The following TRPC4AP variants were observed in gnomAD, a reference collection of about 807,000 sequenced individuals.
TRPC4AP encodes the protein transient receptor potential cation channel subfamily C member 4 associated protein.
In TRPC4AP, 45 loss-of-function variants were observed where a neutral mutation model predicts 99.0. The observed-to-expected ratio is 0.45, with a 90% CI of 0.36 to 0.58. The LOEUF (loss-of-function observed/expected upper bound fraction) is 0.58. TRPC4AP is among the 20% of genes least tolerant of loss of function. The pLI is 0.00. For missense variants in TRPC4AP, 879 were observed against 985.3 expected, an observed-to-expected ratio of 0.89 and a Z score of 1.44; for synonymous variants, 408 against 385.8, an observed-to-expected ratio of 1.06 and a Z score of -0.67.
At chr20:35,069,799 G>A (rs1160195649) in intron 2 of TRPC4AP, among the ~76,000 whole-genome samples, 3 of 152,152 alleles carry the variant, frequency 2.0e-5, no homozygotes, top group Non-Finnish European at 4.4e-5. Context: ...AAATTAGCCG[G>A]ATGTGGTGCT....
intron 7 of TRPC4AP, among the ~76,000 whole-genome samples, chr20:35,039,148 G>C (rs1480091131): frequency 6.6e-6 from 1 of 152,034 alleles, no homozygotes; most frequent in Non-Finnish European, 1.5e-5. Context: ...TCACATAGCT[G>C]GATTTTTACT....
intron 1 of TRPC4AP, among the ~76,000 whole-genome samples, chr20:35,089,620 G>C (rs924266707): frequency 1.3e-5 from 2 of 152,110 alleles, no homozygotes; most frequent in African/African-American, 4.8e-5. Flanking sequence ...GGAGGACAAG[G>C]CAGGGGGATC....
intron 7 of TRPC4AP, among the ~76,000 whole-genome samples, chr20:35,039,283 C>T (rs569576102): frequency 2.6e-5 from 4 of 152,216 alleles, no homozygotes; most frequent in Non-Finnish European, 5.9e-5. Context: ...GGGAAGTGCC[C>T]GGTACTCAGG....
At chr20:35,062,169 G>A (rs1049677381) in intron 3 of TRPC4AP, among the ~76,000 whole-genome samples, 8 of 152,198 alleles carry the variant, frequency 5.3e-5, no homozygotes, top group African/African-American at 1.9e-4. Flanking sequence ...CAAAGATGTG[G>A]AGAAATTAGA....
intron 6 of TRPC4AP, among the ~76,000 whole-genome samples, chr20:35,049,376 T>C (rs2083642343): frequency 6.6e-6 from 1 of 152,152 alleles, no homozygotes; most frequent in Non-Finnish European, 1.5e-5. Context: ...ACTTTAATTG[T>C]TGAAGACTAA....
At chr20:35,044,972 T>C (rs3803936) in intron 6 of TRPC4AP, among the ~76,000 whole-genome samples, 59,901 of 151,880 alleles carry the variant, frequency 0.39, 12,978 homozygotes, top group East Asian at 0.58. Context: ...AGCACCACTG[T>C]TTTCAATTGT....
intron 5 of TRPC4AP, among the ~76,000 whole-genome samples, chr20:35,051,386 C>T (rs1157266447): frequency 6.6e-6 from 1 of 152,164 alleles, no homozygotes; most frequent in African/African-American, 2.4e-5. Flanking sequence ...TAGCTCACTA[C>T]AGCCTCAATC....
In TRPC4AP at chr20:35,092,698, C is replaced by G. The variant is rs760025142; in HGVS notation, c.84G>C (p.Trp28Cys). 5 of 1,547,122 alleles carry G rather than the reference C, an allele frequency of 3.2e-6. No homozygotes were observed. Among genetic ancestry groups the G allele is most frequent in the Non-Finnish European group, 4.3e-6 (5 of 1,157,484 alleles). ...SAATVAAWGG[W>C]GGRPRPGNIL... is the part of the protein sequence containing the mutation. ...TGTTACCAGGCCGCGGCCGGCCGCC[C>G]CATCCGCCCCAAGCCGCCACTGTGG... The change falls in exon 1 of 19, where the codon TGG becomes TGC. Residue 28 changes from tryptophan (W) to cysteine (C), a missense_variant. Coordinates refer to ENST00000252015, the MANE Select transcript of TRPC4AP (RefSeq NM_015638.3).
intron 1 of TRPC4AP, among the ~76,000 whole-genome samples, chr20:35,085,977 C>T (rs2084830706): frequency 6.6e-6 from 1 of 152,002 alleles, no homozygotes; most frequent in African/African-American, 2.4e-5. Flanking sequence ...GCAAGGGTCT[C>T]GCGCAATCTC....
intron 1 of TRPC4AP, 21 bp downstream of exon 1, chr20:35,092,593 C>T: frequency 1.4e-6 from 2 of 1,468,914 alleles, no homozygotes; most frequent in Non-Finnish European, 1.8e-6. Flanking sequence ...CCGCCCCGCC[C>T]CTCCTGGTCC....
chr20:35,086,178 T>TG (rs1284727130), intron 1 of TRPC4AP, among the ~76,000 whole-genome samples: 17 of 151,950 alleles, frequency 1.1e-4, no homozygotes, highest in Admixed American at 1.1e-3. Flanking sequence ...AGGTTGGTCT[T>TG]GAACTCCTGA....
At chr20:35,064,814 A>G (rs1323624588) in intron 3 of TRPC4AP, among the ~76,000 whole-genome samples, 1 of 152,238 alleles carries the variant, frequency 6.6e-6, no homozygotes, top group Non-Finnish European at 1.5e-5. Context: ...CCATATTACT[A>G]TAACTTTAAC....
At chr20:35,058,726 G>A (rs995061278) in intron 3 of TRPC4AP, among the ~76,000 whole-genome samples, 2 of 79,672 alleles carry the variant, frequency 2.5e-5, no homozygotes, top group Non-Finnish European at 4.6e-5. Context: ...GTCTTGCTTT[G>A]TCTCCCAGGC....
At chr20:35,057,612 AG>A in intron 3 of TRPC4AP, 41 bp from the exon 4 acceptor site, 5 of 1,498,618 alleles carry the variant, frequency 3.3e-6, no homozygotes, top group Non-Finnish European at 4.6e-6. Flanking sequence ...ATTAATTCAA[AG>A]TATAACTTAT....
chr20:35,005,250 G>A (rs1333198304), intron 16 of TRPC4AP, among the ~76,000 whole-genome samples: 2 of 152,126 alleles, frequency 1.3e-5, no homozygotes, highest in African/African-American at 2.4e-5. Context: ...GGTGTGGGGG[G>A]GTCACAAACC....
intron 3 of TRPC4AP, among the ~76,000 whole-genome samples, chr20:35,066,850 T>C (rs1226139771): frequency 2.0e-5 from 3 of 151,632 alleles, no homozygotes; most frequent in Admixed American, 6.6e-5. Flanking sequence ...TCAAAAGCAC[T>C]TACAGATCAA....
intron 5 of TRPC4AP, among the ~76,000 whole-genome samples, chr20:35,053,489 A>G (rs1423909162): frequency 2.6e-5 from 4 of 152,188 alleles, no homozygotes; most frequent in Non-Finnish European, 5.9e-5. Context: ...CTATAAGGAC[A>G]ATTTCTTATT....
intron 7 of TRPC4AP, among the ~76,000 whole-genome samples, chr20:35,038,838 C>T (rs966366334): frequency 1.3e-5 from 2 of 152,100 alleles, no homozygotes; most frequent in Non-Finnish European, 1.5e-5. Context: ...TTTGGGAGGC[C>T]GAGGTGGGTG....
At chr20:35,036,172 C>G (rs988511346) in intron 7 of TRPC4AP, among the ~76,000 whole-genome samples, 3 of 152,136 alleles carry the variant, frequency 2.0e-5, no homozygotes, top group African/African-American at 7.2e-5. Context: ...GCAGGGAGAT[C>G]CAGATTCAAA....
Sources: allele counts gnomAD v4.1 joint callset (sites outside exome capture counted in the v4.1 genomes callset), GRCh38; gene constraint gnomAD v4.1.1; transcripts MANE v1.5; gene names NCBI Gene and HGNC (gene_info 2026-07-23, HGNC 2026-07-21).